TMEM65: variants seen among roughly 807,000 people sequenced by gnomAD.
TMEM65 encodes the protein transmembrane protein 65.
TMEM65 carries 22 observed loss-of-function variants against 25.4 expected under a neutral mutation model. That is an observed-to-expected ratio of 0.86 (90% CI 0.62 to 1.23). The LOEUF (loss-of-function observed/expected upper bound fraction) is 1.23. TMEM65 is among the 50% of genes most tolerant of loss of function. The pLI is 0.00. For synonymous variants in TMEM65, 132 were observed against 126.2 expected (o/e 1.05, Z -0.31); for missense variants, 262 against 308.2 (o/e 0.85, Z 1.12).
At chr8:124,369,284 A>G (rs1272404605) in intron 1 of TMEM65, among the ~76,000 whole-genome samples, 1 of 152,348 alleles carries the variant, frequency 6.6e-6, no homozygotes, top group East Asian at 1.9e-4. Flanking sequence ...TGCCTTATCT[A>G]TTACGAACTG....
intron 5 of TMEM65, among the ~76,000 whole-genome samples, chr8:124,321,885 G>A (rs888786736): frequency 2.0e-5 from 3 of 152,216 alleles, no homozygotes; most frequent in East Asian, 3.9e-4. Context: ...CCTCTCCAGA[G>A]ACACTAATAA....
chr8:124,369,495 A>G (rs1230938068), intron 1 of TMEM65, among the ~76,000 whole-genome samples: 1 of 152,248 alleles, frequency 6.6e-6, no homozygotes, highest in Non-Finnish European at 1.5e-5. Flanking sequence ...AAAGACACAC[A>G]AGATTGCCTA....
intron 1 of TMEM65, among the ~76,000 whole-genome samples, chr8:124,359,364 A>G (rs998202508): frequency 6.6e-6 from 1 of 152,222 alleles, no homozygotes; most frequent in African/African-American, 2.4e-5. Flanking sequence ...AATTCAGTAC[A>G]TTTGAAAGTG....
At chr8:124,352,869 G>A (rs528986328) in intron 1 of TMEM65, among the ~76,000 whole-genome samples, 8 of 152,330 alleles carry the variant, frequency 5.3e-5, no homozygotes, top group South Asian at 2.1e-4. Context: ...GCTCACGCCT[G>A]TAATCCCAGC....
intron 1 of TMEM65, among the ~76,000 whole-genome samples, chr8:124,369,691 G>T (rs895772681): frequency 6.6e-6 from 1 of 152,134 alleles, no homozygotes; most frequent in Non-Finnish European, 1.5e-5. Flanking sequence ...TGAGCTGTAC[G>T]CATTCCCAAC....
At chr8:124,327,573 T>C (rs909739788) in intron 2 of TMEM65, 152 bp from the exon 3 acceptor site, 3 of 539,750 alleles carry the variant, frequency 5.6e-6, no homozygotes, top group African/African-American at 4.0e-5. Flanking sequence ...CTGCTACTGC[T>C]ATAAGTAGAA....
chr8:124,317,666 A>G (rs1482600313), intron 6 of TMEM65, among the ~76,000 whole-genome samples: 2 of 152,178 alleles, frequency 1.3e-5, no homozygotes, highest in Non-Finnish European at 2.9e-5. Flanking sequence ...GTCTTTGCAT[A>G]ATCTCCTCCC....
Position 124,317,381 on chromosome 8 carries a change from T to G in TMEM65, c.621+2705A>C, listed in dbSNP as rs188415126. Among the ~76,000 whole-genome samples, 219 of 152,250 alleles carry G rather than the reference T, an allele frequency of 1.4e-3. 1 individual carries two copies. Among genetic ancestry groups the G allele is most frequent in the Non-Finnish European group, 2.6e-3 (176 of 68,010 alleles). ...AAACAAAAAAAAATTTTCAGAAATT[T>G]TATTTGATTTCTTTATATCAAGAGG... On this transcript the variant is annotated intron_variant, in intron 6 of 6. Transcript: ENST00000297632.
At chr8:124,322,763 C>A (rs965810522) in intron 4 of TMEM65, among the ~76,000 whole-genome samples, 1 of 151,838 alleles carries the variant, frequency 6.6e-6, no homozygotes, top group Non-Finnish European at 1.5e-5. Flanking sequence ...TTTGGGAGGC[C>A]GAGGCGGGCA....
chr8:124,328,353 A>G (rs1312870506), intron 2 of TMEM65, among the ~76,000 whole-genome samples: 2 of 151,856 alleles, frequency 1.3e-5, no homozygotes, highest in East Asian at 3.9e-4. Context: ...GCAGTGAGCT[A>G]AGATTGCACC....
At chr8:124,336,774 CA>C (rs1814513276) in intron 1 of TMEM65, among the ~76,000 whole-genome samples, 1 of 151,546 alleles carries the variant, frequency 6.6e-6, no homozygotes, top group Non-Finnish European at 1.5e-5. Flanking sequence ...AGCTACAGAG[CA>C]AAGTAAACAT....
At chr8:124,330,346 A>G (rs951583866) in intron 2 of TMEM65, among the ~76,000 whole-genome samples, 1 of 151,920 alleles carries the variant, frequency 6.6e-6, no homozygotes, top group Non-Finnish European at 1.5e-5. Flanking sequence ...TCATTCTTAC[A>G]AACAGCCAGC....
chr8:124,327,231 T>TA (rs1005740758), intron 3 of TMEM65, 123 bp downstream of exon 3: 2 of 671,002 alleles, frequency 3.0e-6, no homozygotes, highest in Non-Finnish European at 5.1e-6. Context: ...TGAGATATAG[T>TA]AAAAAATATC....
chr8:124,365,217 TTAAAC>T (rs1442998418), intron 1 of TMEM65, among the ~76,000 whole-genome samples: 1 of 152,192 alleles, frequency 6.6e-6, no homozygotes, highest in Non-Finnish European at 1.5e-5. Flanking sequence ...TACTGATAAA[TTAAAC>T]TATACATATA....
At chr8:124,332,164 C>T (rs1317504702) in intron 1 of TMEM65, among the ~76,000 whole-genome samples, 1 of 152,136 alleles carries the variant, frequency 6.6e-6, no homozygotes, top group African/African-American at 2.4e-5. Context: ...CCTTTGAAAG[C>T]ATCCAAGTGG....
rs1031295629 is a variant in TMEM65 at position 124,306,845 on chromosome 8, A to T, written c.*7115T>A. 6.6e-6 allele frequency: 1 copy of T among 152,160 alleles called. No individual in the cohort carries two copies. The highest frequency in any genetic ancestry group is 1.9e-4 in the East Asian group (1 of 5,186). 9.4% of individuals were successfully genotyped at this position (152,160 alleles called of 1,614,324 possible). On this transcript the variant is annotated 3_prime_UTR_variant, in exon 7 of 7. Transcript: ENST00000297632. ...ATGCCTGTAATCCCAACTACTTGGG[A>T]GGCTGAGGCAGGAGAATCACTTGAA...
chr8:124,363,288 G>A (rs577083066), intron 1 of TMEM65, among the ~76,000 whole-genome samples: 1 of 152,208 alleles, frequency 6.6e-6, no homozygotes, highest in East Asian at 1.9e-4. Flanking sequence ...ATAGTTTATG[G>A]ATATGTTACT....
chr8:124,331,459 T>C (rs765007722), intron 1 of TMEM65, among the ~76,000 whole-genome samples: 8 of 150,196 alleles, frequency 5.3e-5, no homozygotes, highest in Non-Finnish European at 1.2e-4. Flanking sequence ...ACCTATACAC[T>C]GGATAATAGG....
intron 1 of TMEM65, among the ~76,000 whole-genome samples, chr8:124,339,222 A>AAATAT (rs1563594368): frequency 5.0e-5 from 1 of 19,906 alleles, no homozygotes; most frequent in Non-Finnish European, 7.9e-5. Flanking sequence ...AAAAAAAAAA[A>AAATAT]ATATATATAT....
Sources: allele counts gnomAD v4.1 joint callset (sites outside exome capture counted in the v4.1 genomes callset), GRCh38; gene constraint gnomAD v4.1.1; transcripts MANE v1.5; gene names NCBI Gene and HGNC (gene_info 2026-07-23, HGNC 2026-07-21).